The following AGAP3 variants were observed in gnomAD, a reference collection of about 807,000 sequenced individuals.
AGAP3 encodes the protein arf-GAP with GTPase, ANK repeat and PH domain-containing protein 3.
A neutral mutation model predicts 96.9 loss-of-function variants in AGAP3; 24 were observed. That is an observed-to-expected ratio of 0.25 (90% CI 0.18 to 0.35). The LOEUF (loss-of-function observed/expected upper bound fraction) is 0.35, where lower values mean the gene tolerates loss of function less well. AGAP3 is among the 10% of genes least tolerant of loss of function. AGAP3 has a pLI of 1.00. For missense variants in AGAP3, 876 were observed against 1,254.2 expected, an observed-to-expected ratio of 0.70 and a Z score of 4.55; for synonymous variants, 563 against 536.1, an observed-to-expected ratio of 1.05 and a Z score of -0.69.
At position 151,114,655 on chromosome 7, in the gene AGAP3, C is replaced by T. The variant is rs1432342472; in HGVS notation, c.332-2138C>T. ...AGGTGGAGGAGTTGAGGGACTCGGT[C>T]GGCCCACACCAGGTGCCCAGAGGCC... On this transcript the variant is annotated intron_variant, in intron 1 of 17. Transcript: ENST00000397238. This position sits in a 1 kb window ranked among gnomAD's most constrained non-coding sequence, Gnocchi z 4.4. 1 of 937,358 alleles carries T rather than the reference C, an allele frequency of 1.1e-6. No individual in the cohort carries two copies. Among genetic ancestry groups the T allele is most frequent in the East Asian group, 1.1e-4 (1 of 8,778 alleles). 58.1% of individuals were successfully genotyped at this position (937,358 alleles called of 1,614,324 possible). A position where few individuals can be genotyped will look rare whatever the true frequency, so the allele number is the denominator to read the frequency against.
rs1448275985 is a variant in AGAP3 at position 151,116,782 on chromosome 7, G to T, written c.332-11G>T. ...ACCCTGGCCCTGACGGGGCGGCTCT[G>T]TCTTCCGCAGACTCGTTTGTGAACA... On this transcript the variant is annotated splice_polypyrimidine_tract_variant and intron_variant, in intron 1 of 17. Transcript: ENST00000397238. 1 of 1,614,096 alleles carries T rather than the reference G, an allele frequency of 6.2e-7. No homozygotes were observed. Among genetic ancestry groups the T allele is most frequent in the Non-Finnish European group, 8.5e-7 (1 of 1,180,012 alleles).
chr7:151,112,854 G>C (rs899614204), intron 1 of AGAP3, among the ~76,000 whole-genome samples: 12 of 151,646 alleles, frequency 7.9e-5, no homozygotes, highest in Non-Finnish European at 1.6e-4. Flanking sequence ...TGCCTGCCTC[G>C]GCCTCCCAAA....
chr7:151,139,748 C>T lies in AGAP3; in HGVS notation c.1667-231C>T. 2.6e-6 allele frequency: 1 copy of T among 380,192 alleles called. No individual in the cohort carries two copies. Among genetic ancestry groups the T allele is most frequent in the South Asian group, 9.4e-5 (1 of 10,686 alleles). The allele number at this position is 380,192 out of a possible 1,614,324, so 23.6% of individuals were successfully genotyped here. A position where few individuals can be genotyped will look rare whatever the true frequency, so the allele number is the denominator to read the frequency against. On this transcript the variant is annotated intron_variant, in intron 12 of 17. Coordinates refer to ENST00000397238, the MANE Select transcript of AGAP3 (RefSeq NM_031946.7). The surrounding 1 kb of genome is among the most constrained non-coding windows in gnomAD (Gnocchi z 4.9). ...GCTTCCTCCCTTTGCCTCCATCCTG[C>T]TCTGCCTAAGTTTCCTATTCTCTTT...
Position 151,117,771 on chromosome 7 carries a change from A to G in AGAP3, c.700A>G (p.Thr234Ala). The G allele has an allele frequency of 6.2e-7, 1 of 1,613,596 alleles. No homozygotes were observed. ...ASEVPMVLVG[T>A]QDAISAANPR... is the part of the protein sequence containing the mutation. ...CGAGGTGCCCATGGTGCTTGTGGGCACGCAGGGTGAGGCGGGGCCCTGCAG... is the reference window on the plus strand; with the variant it reads ...CGAGGTGCCCATGGTGCTTGTGGGCGCGCAGGGTGAGGCGGGGCCCTGCAG... The change falls in exon 5 of 18, where the codon ACG becomes GCG. Residue 234 changes from threonine to alanine, a missense_variant. By Grantham distance (58) the Thr-to-Ala change is moderately conservative. Around this residue, in one of 8 missense-constraint regions of AGAP3, gnomAD observed 131 missense variants for 304.5 expected, o/e 0.43. Transcript: ENST00000397238.
intron 8 of AGAP3, chr7:151,123,080 G>A: frequency 2.5e-6 from 3 of 1,219,246 alleles, no homozygotes; most frequent in East Asian, 4.4e-5. Flanking sequence ...GCCCAGAGGG[G>A]CGGGGGAGTC....
At chr7:151,122,654 AC>A in intron 8 of AGAP3, 2 of 1,592,288 alleles carry the variant, frequency 1.3e-6, no homozygotes, top group Non-Finnish European at 1.7e-6. Flanking sequence ...CTCTGCCCTC[AC>A]CGGTGCTGAC....
At chr7:151,101,236 C>T (rs1268817339) in intron 1 of AGAP3, among the ~76,000 whole-genome samples, 1 of 152,244 alleles carries the variant, frequency 6.6e-6, no homozygotes, top group Non-Finnish European at 1.5e-5. Flanking sequence ...CAGGGCCCCT[C>T]CTGGGCTGGT....
Position 151,118,173 on chromosome 7 carries a change from G to A in AGAP3, c.707-37G>A, listed in dbSNP as rs141168359. On this transcript the variant is annotated intron_variant, in intron 5 of 17. Transcript: ENST00000397238. This position sits in a 1 kb window ranked among gnomAD's most constrained non-coding sequence, Gnocchi z 6.1. ...CCCACCACACTACCCCAGCTTCTCC[G>A]AAAGCTGAATGACTCCCGCCCTCCC... 650 of 1,579,550 alleles carry A rather than the reference G, an allele frequency of 4.1e-4. 3 individuals are homozygous for A. The African/African-American group carries it at 7.7e-3, about 19-fold the overall frequency.
At chr7:151,099,342 C>CAAA (rs11322956) in intron 1 of AGAP3, among the ~76,000 whole-genome samples, 1 of 136,334 alleles carries the variant, frequency 7.3e-6, no homozygotes. Flanking sequence ...GACTCCATCT[C>CAAA]AAAAAAAAAA....
chr7:151,095,425 C>T (rs888605075), intron 1 of AGAP3, among the ~76,000 whole-genome samples: 1 of 152,192 alleles, frequency 6.6e-6, no homozygotes, highest in Non-Finnish European at 1.5e-5. Flanking sequence ...GTAGGGGTGC[C>T]TGCCTACAGC....
intron 9 of AGAP3, among the ~76,000 whole-genome samples, chr7:151,124,853 G>GCAGGGTCCCA (rs1453109714): frequency 2.0e-5 from 3 of 152,262 alleles, no homozygotes; most frequent in Admixed American, 6.5e-5. Flanking sequence ...GTCCCAGAGG[G>GCAGGGTCCCA]CAGGGTCCCA....
rs147753109 is a variant in AGAP3, at chr7:151,143,479, C to T, written c.2412C>T (p.Leu804=). 81 of 1,614,208 alleles carry T rather than the reference C, an allele frequency of 5.0e-5. No individual in the cohort carries two copies. The East Asian group carries it at 1.6e-3, about 32-fold the overall frequency. The part of the protein sequence containing the change: ...VEDDLRLLVM[L]LAHGSKEEVN... The stretch of plus-strand genomic sequence containing the variant: ...ATGACCTGCGGCTGTTGGTGATGCT[C>T]CTGGCACATGGCTCCAAAGAGGAGG... The change falls in exon 17 of 18, where the codon CTC becomes CTT. Residue 804 remains leucine (L), a synonymous_variant. Transcript: ENST00000397238. The surrounding 1 kb of genome is among the most constrained non-coding windows in gnomAD (Gnocchi z 5.9).
chr7:151,111,035 C>A (rs1415923927), intron 1 of AGAP3, among the ~76,000 whole-genome samples: 2 of 152,148 alleles, frequency 1.3e-5, no homozygotes, highest in African/African-American at 2.4e-5. Context: ...CTCCCCCCGC[C>A]CCCCGTCTTC....
intron 8 of AGAP3, chr7:151,123,052 G>T: frequency 7.7e-7 from 1 of 1,293,240 alleles, no homozygotes; most frequent in Non-Finnish European, 9.8e-7. Flanking sequence ...CACGCCCGGC[G>T]CTGGCCAGCG....
At chr7:151,122,775 C>T (rs373004175) in intron 8 of AGAP3, 1 of 1,613,794 alleles carries the variant, frequency 6.2e-7, no homozygotes, top group Non-Finnish European at 8.5e-7. Flanking sequence ...CTTTCCAACT[C>T]CTTCCAAATT....
At chr7:151,126,825 G>A (rs1387436817) in intron 9 of AGAP3, among the ~76,000 whole-genome samples, 4 of 152,198 alleles carry the variant, frequency 2.6e-5, no homozygotes, top group Non-Finnish European at 2.9e-5. Context: ...CCTTAGTGCC[G>A]CTAGTTTTCA....
In AGAP3 at chr7:151,128,704, C is replaced by T; in HGVS notation, c.1326+20C>T. ...CTGCATGTGAGTCTGGGAGGAGGAG[C>T]CTCCTGGGGGAGTATGGGGAGGGGG... is the stretch of plus-strand genomic sequence containing the variant. On this transcript the variant is annotated intron_variant, in intron 10 of 17. Transcript: ENST00000397238. 1.2e-6 allele frequency: 2 copies of T among 1,606,340 alleles called. No individual in the cohort carries two copies. The highest frequency in any genetic ancestry group is 2.2e-5 in the East Asian group (1 of 44,814).
At chr7:151,119,858 G>A in intron 7 of AGAP3, 129 bp from the exon 8 acceptor site, 2 of 783,154 alleles carry the variant, frequency 2.6e-6, no homozygotes, top group Admixed American at 5.1e-5. Flanking sequence ...CATCTGTAGG[G>A]GCTAGTGGCC....
rs183547030 is a variant in AGAP3, at chr7:151,138,860, T to C, written c.1666+547T>C. 2.5e-4 allele frequency among the ~76,000 whole-genome samples: 38 copies of C among 152,320 alleles called. No individual in the cohort carries two copies. The East Asian group carries it at 6.9e-3, about 28-fold the overall frequency. On this transcript the variant is annotated intron_variant, in intron 12 of 17. Coordinates refer to ENST00000397238, the MANE Select transcript of AGAP3 (RefSeq NM_031946.7). ...TTGTCCTGAAAGGTCGTTTTCCACC[T>C]GTGCTGTCCCCCTCAGATAGGCCTC... is the stretch of plus-strand genomic sequence containing the variant.
Sources: gnomAD v4.1 joint callset for allele counts (sites outside exome capture counted in the v4.1 genomes callset) on GRCh38, gnomAD v4.1.1 for gene constraint, gnomAD v4.1.1 regional missense constraint, Gnocchi (gnomAD v3.1) non-coding constraint, MANE v1.5 for transcripts, NCBI Gene and HGNC (gene_info 2026-07-23, HGNC 2026-07-21) for gene names.